Variants in CBR4 observed in about 807,000 individuals in gnomAD.
CBR4 encodes carbonyl reductase 4, also known as 3-oxoacyl-[acyl-carrier-protein] reductase.
CBR4 carries 22 observed loss-of-function variants against 21.0 expected under a neutral mutation model. That is an observed-to-expected ratio of 1.05 (90% CI 0.75 to 1.50). CBR4 has a LOEUF of 1.50. Ranked by LOEUF, CBR4 falls within the 40% of genes most tolerant of loss-of-function variation. CBR4 has a pLI of 0.00. For synonymous variants in CBR4, 100 were observed against 104.4 expected, an observed-to-expected ratio of 0.96 and a Z score of 0.26; for missense variants, 302 against 286.3, an observed-to-expected ratio of 1.05 and a Z score of -0.40.
intron 2 of CBR4, among the ~76,000 whole-genome samples, chr4:168,929,969 C>T (rs1317516564): frequency 6.6e-6 from 1 of 152,034 alleles, no homozygotes; most frequent in African/African-American, 2.4e-5. Flanking sequence ...AAAACATTAC[C>T]CCCTAGCTGA....
At chr4:168,935,731 G>C (rs1483698446) in intron 2 of CBR4, among the ~76,000 whole-genome samples, 1 of 152,192 alleles carries the variant, frequency 6.6e-6, no homozygotes, top group Non-Finnish European at 1.5e-5. Context: ...CTCTGGGCAG[G>C]GAATCTCTGA....
chr4:168,947,973 T>C (rs1763439239), intron 2 of CBR4, among the ~76,000 whole-genome samples: 2 of 152,206 alleles, frequency 1.3e-5, no homozygotes, highest in Non-Finnish European at 2.9e-5. Flanking sequence ...ATAGTGGTTG[T>C]ACTAGTTTAC....
At chr4:168,905,133 T>A (rs1487569049) in intron 2 of CBR4, among the ~76,000 whole-genome samples, 2 of 129,344 alleles carry the variant, frequency 1.5e-5, no homozygotes, top group Non-Finnish European at 3.3e-5. Flanking sequence ...TTTTTTGTTT[T>A]GTTGGTTTTT....
At chr4:168,898,349 G>T in intron 2 of CBR4, 16 of 680,994 alleles carry the variant, frequency 2.3e-5, no homozygotes, top group Middle Eastern at 7.8e-4. Context: ...TGTTTCATAT[G>T]CAATTGAATT....
At position 169,007,619 on chromosome 4, in the gene CBR4, T is replaced by A; in HGVS notation, c.263+17A>T. ...TTAAATATATATATAAGAAACTTAT[T>A]TAAATCTGTGACCAACCTGTTAATA... On this transcript the variant is annotated intron_variant, in intron 2 of 4. Coordinates refer to ENST00000306193, the MANE Select transcript of CBR4 (RefSeq NM_032783.5). 2.7e-6 allele frequency: 4 copies of A among 1,493,526 alleles called. No individual in the cohort carries two copies. The highest frequency in any genetic ancestry group is 3.6e-6 in the Non-Finnish European group (4 of 1,120,662). The allele number at this position is 1,493,526 out of a possible 1,614,324, so 92.5% of individuals were successfully genotyped here.
chr4:168,913,990 C>T lies in CBR4; in HGVS notation n.170-19225G>A, dbSNP rs772889018. ...TGTCAACCAAAGAGGTCGAAGTCCC[C>T]GGTCTCCCTCAGGCCATCCTCATGT... is the stretch of plus-strand genomic sequence containing the variant. On this transcript the variant is annotated intron_variant and non_coding_transcript_variant, in intron 2 of 3. Coordinates refer to the CBR4 transcript ENST00000509108. The T allele has an allele frequency of 3.7e-6, 6 of 1,610,314 alleles. No homozygotes were observed. Among genetic ancestry groups the T allele is most frequent in the African/African-American group, 1.3e-5 (1 of 74,950 alleles).
At chr4:168,927,936 CTT>C (rs1762760958) in intron 2 of CBR4, 2 of 200,096 alleles carry the variant, frequency 1.0e-5, no homozygotes, top group South Asian at 1.9e-4. Flanking sequence ...AGTGGCCTCT[CTT>C]AGCTCAGTTA....
chr4:168,961,826 G>C (rs1763863929), intron 2 of CBR4, among the ~76,000 whole-genome samples: 1 of 152,040 alleles, frequency 6.6e-6, no homozygotes, highest in South Asian at 2.1e-4. Flanking sequence ...GGAGGCGGAG[G>C]TTACAGTGAG....
intron 2 of CBR4, among the ~76,000 whole-genome samples, chr4:168,910,277 G>A (rs1200413868): frequency 3.4e-5 from 5 of 145,218 alleles, no homozygotes; most frequent in African/African-American, 5.1e-5. Context: ...GCATATCAAG[G>A]ATCTGTTTAG....
chr4:168,921,841 T>C, intron 2 of CBR4: 4 of 947,294 alleles, frequency 4.2e-6, no homozygotes, highest in Non-Finnish European at 5.1e-6. Flanking sequence ...AAATAAAGTA[T>C]TGAAAAAATA....
chr4:168,922,569 C>G (rs1167448804), intron 2 of CBR4, among the ~76,000 whole-genome samples: 1 of 152,074 alleles, frequency 6.6e-6, no homozygotes, highest in Non-Finnish European at 1.5e-5. Flanking sequence ...TGAGCTCTTT[C>G]AAGAAATAGA....
chr4:168,997,884 C>A (rs746875655), intron 4 of CBR4, among the ~76,000 whole-genome samples: 3 of 152,134 alleles, frequency 2.0e-5, no homozygotes, highest in Non-Finnish European at 4.4e-5. Flanking sequence ...CAACCCAACA[C>A]TTTTCTAAGG....
At chr4:168,921,974 G>A (rs1761603707) in intron 2 of CBR4, among the ~76,000 whole-genome samples, 1 of 151,800 alleles carries the variant, frequency 6.6e-6, no homozygotes, top group Non-Finnish European at 1.5e-5. Context: ...AGCTCTTTTG[G>A]GTCATTCGAC....
chr4:168,994,776 C>T (rs574010639), intron 4 of CBR4, among the ~76,000 whole-genome samples: 3 of 98,148 alleles, frequency 3.1e-5, no homozygotes, highest in South Asian at 6.7e-4. Flanking sequence ...TTTTTTGAGA[C>T]GGAGTTTGGC....
intron 2 of CBR4, among the ~76,000 whole-genome samples, chr4:168,913,178 C>G (rs1160291677): frequency 2.0e-5 from 3 of 151,116 alleles, no homozygotes; most frequent in South Asian, 2.1e-4. Flanking sequence ...GCTCTGTCAC[C>G]CAGGCTGGAG....
chr4:168,905,400 G>A (rs1321664999), intron 2 of CBR4, among the ~76,000 whole-genome samples: 5 of 151,266 alleles, frequency 3.3e-5, no homozygotes, highest in African/African-American at 1.2e-4. Context: ...CGCCCGCCTC[G>A]GCCTCCCAAA....
intron 4 of CBR4, among the ~76,000 whole-genome samples, chr4:168,997,859 CA>C (rs1407406268): frequency 6.6e-6 from 1 of 152,004 alleles, no homozygotes; most frequent in Non-Finnish European, 1.5e-5. Flanking sequence ...TTCTAGGACT[CA>C]AAAAGAACAA....
intron 4 of CBR4, 106 bp from the exon 5 acceptor site, chr4:168,990,434 T>C (rs1764859387): frequency 8.7e-7 from 1 of 1,144,530 alleles, no homozygotes; most frequent in Non-Finnish European, 1.2e-6. Flanking sequence ...TTTGAAATTA[T>C]TTAAAAAAAA....
At chr4:168,948,147 C>T (rs1271660476) in intron 2 of CBR4, among the ~76,000 whole-genome samples, 2 of 152,054 alleles carry the variant, frequency 1.3e-5, no homozygotes, top group South Asian at 2.1e-4. Flanking sequence ...AGCATTTTTT[C>T]GTATGTTTGT....
Sources: allele counts gnomAD v4.1 joint callset (sites outside exome capture counted in the v4.1 genomes callset), GRCh38; gene constraint gnomAD v4.1.1; transcripts MANE v1.5; gene names NCBI Gene and HGNC (gene_info 2026-07-23, HGNC 2026-07-21).